MEGF10: variants seen among roughly 807,000 people sequenced by gnomAD.
MEGF10 encodes multiple epidermal growth factor-like domains protein 10.
In MEGF10, 86 loss-of-function variants were observed where a neutral mutation model predicts 147.5. That is an observed-to-expected ratio of 0.58 (90% confidence interval 0.49 to 0.70). The LOEUF is 0.70. MEGF10 is among the 30% of genes least tolerant of loss of function. The probability of loss-of-function intolerance (pLI) is 0.00; values close to 1 mark genes in which losing one functional copy is unlikely to be tolerated. For synonymous variants in MEGF10, 478 were observed against 525.5 expected (o/e 0.91, Z 1.24); for missense variants, 1,329 against 1,487.3 (o/e 0.89, Z 1.75).
At chr5:127,427,905 T>C (rs143092083) in intron 13 of MEGF10, among the ~76,000 whole-genome samples, 8 of 152,302 alleles carry the variant, frequency 5.3e-5, no homozygotes, top group African/African-American at 1.7e-4. Flanking sequence ...CTTTTGGGTA[T>C]TGAGGGCTGG....
At position 127,344,207 on chromosome 5, in the gene MEGF10, G is replaced by A. The variant is rs116615927; in HGVS notation, c.319+3577G>A. ...CTAAAGATTATGTATGTATATATGAGCCAGACATACTTTCTGCCATCAAAG... is the reference window on the plus strand; with the variant it reads ...CTAAAGATTATGTATGTATATATGAACCAGACATACTTTCTGCCATCAAAG... On this transcript the variant is annotated intron_variant, in intron 4 of 24. Transcript: ENST00000503335. Among the ~76,000 whole-genome samples, 243 of 152,216 alleles carry A rather than the reference G, an allele frequency of 1.6e-3. 1 individual carries two copies. Among genetic ancestry groups the A allele is most frequent in the African/African-American group, 5.6e-3 (233 of 41,540 alleles).
chr5:127,450,577 A>G (rs1766117503), intron 22 of MEGF10, among the ~76,000 whole-genome samples: 2 of 152,202 alleles, frequency 1.3e-5, no homozygotes, highest in South Asian at 2.1e-4. Context: ...ATTTGGAGGT[A>G]GGTGCCAGAA....
intron 14 of MEGF10, 37 bp downstream of exon 14, chr5:127,433,546 T>G (rs1238909820): frequency 6.4e-7 from 1 of 1,560,168 alleles, no homozygotes; most frequent in Non-Finnish European, 8.7e-7. Context: ...CCACCTTCCC[T>G]TCCCTGGGCA....
At chr5:127,443,432 AT>A (rs532625238) in intron 19 of MEGF10, among the ~76,000 whole-genome samples, 3 of 151,950 alleles carry the variant, frequency 2.0e-5, no homozygotes, top group African/African-American at 7.3e-5. Flanking sequence ...TGGGTCTATG[AT>A]TTTTTTTCAG....
At chr5:127,435,863 T>C (rs1019942191) in intron 16 of MEGF10, among the ~76,000 whole-genome samples, 4 of 152,216 alleles carry the variant, frequency 2.6e-5, no homozygotes, top group Non-Finnish European at 5.9e-5. Context: ...AATTAAATGA[T>C]GTGAGCCTTA....
intron 13 of MEGF10, among the ~76,000 whole-genome samples, chr5:127,429,860 C>A (rs1765337791): frequency 6.6e-6 from 1 of 152,140 alleles, no homozygotes; most frequent in African/African-American, 2.4e-5. Flanking sequence ...TGTGCCCCTT[C>A]CTTCTTAAAA....
chr5:127,369,839 G>T, intron 4 of MEGF10, 71 bp from the exon 5 acceptor site: 1 of 1,197,112 alleles, frequency 8.4e-7, no homozygotes, highest in Non-Finnish European at 1.2e-6. Flanking sequence ...ACTTGGATGT[G>T]CAACAGCTGT....
chr5:127,263,542 A>G, the MEGF10 span, among the ~76,000 whole-genome samples: 4 of 152,146 alleles, frequency 2.6e-5, no homozygotes, highest in Admixed American at 2.6e-4. Flanking sequence ...GGAAAAAAAT[A>G]GTGGAAAGTA....
Position 127,402,562 on chromosome 5 carries a change from A to C in MEGF10, c.797A>C (p.Gln266Pro). The C allele has an allele frequency of 6.2e-7, 1 of 1,613,680 alleles. No individual in the cohort carries two copies. Among genetic ancestry groups the C allele is most frequent in the East Asian group, 2.2e-5 (1 of 44,860 alleles). Residue 266 changes from glutamine (Q) to proline (P), a missense_variant, in exon 8 of 25, where the codon CAG (glutamine) becomes CCG (proline). By Grantham distance (76) the Gln-to-Pro change is moderately conservative (BLOSUM62 -1). Coordinates refer to ENST00000503335, the MANE Select transcript of MEGF10 (RefSeq NM_001256545.2). ...PSGWMGTVCG[Q>P]PCPEGRFGKN... ...TGAATGCAGGGCACAGTGTGTGGTC[A>C]GCCTTGCCCCGAGGGTCGCTTTGGA...
intron 5 of MEGF10, among the ~76,000 whole-genome samples, chr5:127,383,725 A>G (rs1034203805): frequency 3.3e-5 from 5 of 152,296 alleles, no homozygotes; most frequent in Middle Eastern, 3.4e-3. Flanking sequence ...TTTATCTGCC[A>G]TGTTTTATTT....
chr5:127,402,809 C>T (rs1470776988), intron 8 of MEGF10, 127 bp downstream of exon 8: 6 of 913,342 alleles, frequency 6.6e-6, no homozygotes, highest in Non-Finnish European at 9.6e-6. Flanking sequence ...AGTAGCTATA[C>T]AGCCTCAATG....
intron 4 of MEGF10, among the ~76,000 whole-genome samples, chr5:127,345,409 G>A (rs1761848256): frequency 6.6e-6 from 1 of 152,120 alleles, no homozygotes; most frequent in Admixed American, 6.6e-5. Context: ...AAGGCTGTCT[G>A]TCCGAAAGAC....
intron 4 of MEGF10, among the ~76,000 whole-genome samples, chr5:127,353,034 C>G: frequency 6.6e-6 from 1 of 152,146 alleles, no homozygotes; most frequent in African/African-American, 2.4e-5. Flanking sequence ...CCTCAACTGT[C>G]TGCAGTTTGC....
chr5:127,422,867 C>A, intron 13 of MEGF10, 95 bp downstream of exon 13: 1 of 893,502 alleles, frequency 1.1e-6, no homozygotes, highest in South Asian at 1.5e-5. Context: ...CACCAGTCAA[C>A]TTTTCAAAAA....
the MEGF10 span, among the ~76,000 whole-genome samples, chr5:127,230,276 G>A: frequency 6.6e-6 from 1 of 152,244 alleles, no homozygotes; most frequent in South Asian, 2.1e-4. Flanking sequence ...ATTGATCAGG[G>A]AAAGGGGTGG....
rs145870973 is a variant in MEGF10, at chr5:127,410,422, C to T, written c.951C>T (p.Gly317=). The T allele has an allele frequency of 9.5e-5, 154 of 1,614,226 alleles. No homozygotes were observed. In the East Asian group the frequency reaches 3.2e-3, roughly 34 times the overall value. Residue 317 remains glycine (G), a synonymous_variant, in exon 9 of 25, where the codon GGC becomes GGT. Coordinates refer to ENST00000503335, the MANE Select transcript of MEGF10 (RefSeq NM_001256545.2). ...CQDECPVGTY[G]VLCAETCQCV... is the part of the protein sequence containing the mutation. The stretch of plus-strand genomic sequence containing the variant: ...ATGAGTGTCCTGTTGGGACCTATGG[C>T]GTTCTCTGTGCTGAGACCTGCCAGT...
chr5:127,358,727 T>A (rs1415513642), intron 4 of MEGF10, among the ~76,000 whole-genome samples: 1 of 152,194 alleles, frequency 6.6e-6, no homozygotes, highest in Non-Finnish European at 1.5e-5. Flanking sequence ...TCAAATTGAA[T>A]CAATTTGCAG....
At chr5:127,314,325 G>A (rs1760428484) in intron 1 of MEGF10, among the ~76,000 whole-genome samples, 1 of 152,212 alleles carries the variant, frequency 6.6e-6, no homozygotes, top group Admixed American at 6.5e-5. Context: ...GGGGAGAGAA[G>A]TAGAAGTCAG....
intron 4 of MEGF10, among the ~76,000 whole-genome samples, chr5:127,354,352 A>T (rs932377964): frequency 1.3e-5 from 2 of 152,234 alleles, no homozygotes; most frequent in African/African-American, 4.8e-5. Context: ...TGTTTGCCAT[A>T]TAATACGTTT....
Sources: allele counts gnomAD v4.1 joint callset (sites outside exome capture counted in the v4.1 genomes callset), GRCh38; gene constraint gnomAD v4.1.1; transcripts MANE v1.5; gene names NCBI Gene and HGNC (gene_info 2026-07-23, HGNC 2026-07-21).